SLC35F4: variants seen among roughly 807,000 people sequenced by gnomAD.
SLC35F4 encodes the protein chromosome 14 open reading frame 36.
A neutral mutation model predicts 44.2 loss-of-function variants in SLC35F4; 24 were observed. The observed-to-expected ratio is 0.54, with a 90% CI of 0.39 to 0.76. SLC35F4 has a LOEUF of 0.76. SLC35F4 is among the 30% of genes least tolerant of loss of function. The pLI is 0.00. For synonymous variants in SLC35F4, 238 were observed against 223.6 expected, an observed-to-expected ratio of 1.06 and a Z score of -0.57; for missense variants, 562 against 586.1, an observed-to-expected ratio of 0.96 and a Z score of 0.42.
chr14:57,948,418 T>C (rs1387200505), intron 1 of SLC35F4, among the ~76,000 whole-genome samples: 2 of 152,198 alleles, frequency 1.3e-5, no homozygotes, highest in Non-Finnish European at 1.5e-5. Context: ...TTGGATCATC[T>C]CTCTTCTTTC....
rs1399352036 is a variant in SLC35F4, at chr14:57,697,056, TG to T, written c.104-102933del. 4.6e-5 allele frequency among the ~76,000 whole-genome samples: 7 copies of T among 152,328 alleles called. No individual in the cohort carries two copies. In the East Asian group the frequency reaches 7.7e-4, roughly 17 times the overall value. ...ACCTATGTAACAAACCTGCACGTTC[TG>T]CTCATGTATCCCAGAACTTTAAGTA... On this transcript the variant is annotated intron_variant, in intron 1 of 7. Coordinates refer to ENST00000556826, the MANE Select transcript of SLC35F4 (RefSeq NM_001306087.2).
At chr14:57,871,767 G>C (rs753931989) in intron 1 of SLC35F4, among the ~76,000 whole-genome samples, 1 of 152,142 alleles carries the variant, frequency 6.6e-6, no homozygotes, top group East Asian at 1.9e-4. Context: ...ATCTCAGTCA[G>C]AGCTAATACT....
chr14:57,699,284 G>A (rs150590434), intron 1 of SLC35F4, among the ~76,000 whole-genome samples: 11 of 152,220 alleles, frequency 7.2e-5, no homozygotes, highest in Non-Finnish European at 1.2e-4. Context: ...TATCTTTCAC[G>A]TTATAGTACT....
At chr14:57,782,426 G>T (rs1212222464) in intron 1 of SLC35F4, among the ~76,000 whole-genome samples, 1 of 151,686 alleles carries the variant, frequency 6.6e-6, no homozygotes, top group Non-Finnish European at 1.5e-5. Context: ...AATATATGTA[G>T]ATACTAGTCT....
intron 1 of SLC35F4, among the ~76,000 whole-genome samples, chr14:57,857,404 C>T (rs1262750607): frequency 2.0e-5 from 3 of 152,044 alleles, no homozygotes; most frequent in Admixed American, 2.0e-4. Flanking sequence ...AGTGTATTCT[C>T]ATTCTTTAAA....
intron 1 of SLC35F4, among the ~76,000 whole-genome samples, chr14:57,715,609 T>G (rs1594866868): frequency 1.3e-5 from 2 of 152,124 alleles, no homozygotes; most frequent in South Asian, 2.1e-4. Context: ...GGCATGGAGA[T>G]GACAGTTTTT....
intron 1 of SLC35F4, among the ~76,000 whole-genome samples, chr14:57,601,825 A>G (rs1470488414): frequency 6.6e-6 from 1 of 152,208 alleles, no homozygotes; most frequent in Non-Finnish European, 1.5e-5. Flanking sequence ...AGCCTTGTGT[A>G]TATTATCTCC....
intron 1 of SLC35F4, among the ~76,000 whole-genome samples, chr14:57,759,486 G>A (rs370696913): frequency 9.9e-5 from 15 of 152,236 alleles, no homozygotes; most frequent in African/African-American, 3.6e-4. Flanking sequence ...AGACTGAGGT[G>A]GGAGGATCAC....
In SLC35F4 at chr14:57,585,275, C is replaced by T. The variant is rs183501305; in HGVS notation, c.588-3842G>A. Among the ~76,000 whole-genome samples the T allele has an allele frequency of 1.8e-3, 279 of 152,104 alleles. 2 individuals carry two copies. The highest frequency in any genetic ancestry group is 5.8e-3 in the African/African-American group (240 of 41,512). On this transcript the variant is annotated intron_variant, in intron 3 of 7. Coordinates refer to ENST00000556826, the MANE Select transcript of SLC35F4 (RefSeq NM_001306087.2). ...TCTCAATAGATGCAGAAAAGGCCTT[C>T]GACAAAATTCAACACCCCTTCATAC...
intron 1 of SLC35F4, among the ~76,000 whole-genome samples, chr14:57,658,877 T>C (rs2074049590): frequency 6.6e-6 from 1 of 152,298 alleles, no homozygotes; most frequent in Non-Finnish European, 1.5e-5. Flanking sequence ...CACCCCTTGT[T>C]CCCACATTTG....
At position 57,780,028 on chromosome 14, in the gene SLC35F4, C is replaced by T. The variant is rs141103409; in HGVS notation, c.103+85695G>A. Among the ~76,000 whole-genome samples, 640 of 152,248 alleles carry T rather than the reference C, an allele frequency of 4.2e-3. 15 individuals are homozygous for T. The highest frequency in any genetic ancestry group is 0.04 in the Admixed American group (606 of 15,294). On this transcript the variant is annotated intron_variant, in intron 1 of 7. Coordinates refer to ENST00000556826, the MANE Select transcript of SLC35F4 (RefSeq NM_001306087.2). ...ATTCCCCTTGAAAACCAATATAAGA[C>T]AAGGATGCCCTCTCTCACTACTCCT...
chr14:57,687,545 G>T (rs1361578942), intron 1 of SLC35F4, among the ~76,000 whole-genome samples: 2 of 152,110 alleles, frequency 1.3e-5, no homozygotes, highest in African/African-American at 4.8e-5. Context: ...CAAGCTCCGT[G>T]TCCTTAGTGA....
chr14:57,860,198 G>T lies in SLC35F4; in HGVS notation c.103+5525C>A, dbSNP rs1840538156. ...CGGGTAGAGTTCTTTTTGAAATGGG[G>T]ATGATACCAGAGCTGGTACCCAAGT... On this transcript the variant is annotated intron_variant, in intron 1 of 7. Transcript: ENST00000556826. 2.6e-5 allele frequency among the ~76,000 whole-genome samples: 4 copies of T among 152,214 alleles called. 1 individual carries two copies. In the South Asian group the frequency reaches 8.3e-4, roughly 32 times the overall value.
At chr14:57,653,647 A>G (rs2073863227) in intron 1 of SLC35F4, among the ~76,000 whole-genome samples, 1 of 152,208 alleles carries the variant, frequency 6.6e-6, no homozygotes, top group African/African-American at 2.4e-5. Context: ...CCAGTCAAGC[A>G]TGGTTATAGT....
At chr14:57,944,631 GA>G (rs1005773369) in intron 1 of SLC35F4, among the ~76,000 whole-genome samples, 36 of 118,520 alleles carry the variant, frequency 3.0e-4, no homozygotes, top group Non-Finnish European at 4.9e-4. Flanking sequence ...AGAAAATAAA[GA>G]AAAAAGAAAA....
At chr14:57,977,352 C>T (rs185605216) in intron 1 of SLC35F4, among the ~76,000 whole-genome samples, 249 of 152,246 alleles carry the variant, frequency 1.6e-3, no homozygotes, top group African/African-American at 5.5e-3. Flanking sequence ...TAGAGACATC[C>T]GCAGAAGCTA....
chr14:57,717,432 C>A (rs769695509), intron 1 of SLC35F4, among the ~76,000 whole-genome samples: 1 of 152,026 alleles, frequency 6.6e-6, no homozygotes, highest in African/African-American at 2.4e-5. Flanking sequence ...GTCAGGAGAT[C>A]GAGACCATCC....
At chr14:57,789,095 A>G (rs1022048265) in intron 1 of SLC35F4, among the ~76,000 whole-genome samples, 2 of 152,200 alleles carry the variant, frequency 1.3e-5, no homozygotes, top group African/African-American at 2.4e-5. Flanking sequence ...CATCACAATT[A>G]AAAGAACTAG....
intron 2 of SLC35F4, among the ~76,000 whole-genome samples, chr14:57,591,595 C>G (rs1347529695): frequency 1.3e-5 from 2 of 152,188 alleles, no homozygotes; most frequent in Non-Finnish European, 2.9e-5. Flanking sequence ...TAAGGGTTGT[C>G]CAAGATTGAA....
Sources: gnomAD v4.1 joint callset for allele counts (sites outside exome capture counted in the v4.1 genomes callset) on GRCh38, gnomAD v4.1.1 for gene constraint, MANE v1.5 for transcripts, NCBI Gene and HGNC (gene_info 2026-07-23, HGNC 2026-07-21) for gene names.